The following COBLL1 variants were observed in gnomAD, a reference collection of about 807,000 sequenced individuals.
COBLL1 encodes the protein cordon-bleu protein-like 1.
Under a neutral mutation model 94.8 loss-of-function variants are expected in COBLL1, and 50 were observed. The observed-to-expected ratio is 0.53, with a 90% CI of 0.42 to 0.67. The LOEUF (loss-of-function observed/expected upper bound fraction) is 0.67. Among genes scored for constraint, COBLL1 ranks in the 30% least tolerant of loss-of-function variants. COBLL1 has a pLI of 0.00. For missense variants in COBLL1, 1,362 were observed against 1,348.7 expected, an observed-to-expected ratio of 1.01 and a Z score of -0.15; for synonymous variants, 448 against 473.8, an observed-to-expected ratio of 0.95 and a Z score of 0.71.
intron 1 of COBLL1, among the ~76,000 whole-genome samples, chr2:164,667,723 G>A (rs1332671908): frequency 6.6e-6 from 1 of 152,162 alleles, no homozygotes; most frequent in Non-Finnish European, 1.5e-5. Context: ...GAATTGACGA[G>A]AGAGTTAGGA....
chr2:164,760,871 T>C (rs999938252), intron 2 of COBLL1, among the ~76,000 whole-genome samples: 2 of 152,198 alleles, frequency 1.3e-5, no homozygotes, highest in African/African-American at 4.8e-5. Flanking sequence ...TAAACCTGTA[T>C]ACAGGGTCCA....
chr2:164,821,732 T>C (rs1180830758), intron 2 of COBLL1, among the ~76,000 whole-genome samples: 1 of 152,208 alleles, frequency 6.6e-6, no homozygotes, highest in Non-Finnish European at 1.5e-5. Flanking sequence ...GTGCTCACTA[T>C]CTCTGCATCT....
intron 12 of COBLL1, 42 bp downstream of exon 12, chr2:164,694,227 T>C (rs1683772064): frequency 3.2e-6 from 5 of 1,557,850 alleles, no homozygotes; most frequent in Non-Finnish European, 4.4e-6. Flanking sequence ...TTAAACCATG[T>C]CATTAAATTT....
At chr2:164,839,333 T>C (rs1215979544) in intron 2 of COBLL1, among the ~76,000 whole-genome samples, 1 of 152,174 alleles carries the variant, frequency 6.6e-6, no homozygotes, top group Non-Finnish European at 1.5e-5. Flanking sequence ...TGGCTCATAC[T>C]GGTAAACCCA....
chr2:164,786,659 TCGCAGCCCTGTCTCC>T (rs1262719048), intron 2 of COBLL1, among the ~76,000 whole-genome samples: 1 of 152,114 alleles, frequency 6.6e-6, no homozygotes, highest in Non-Finnish European at 1.5e-5. Context: ...GATTTTCATC[TCGCAGCCCTGTCTCC>T]CTCAGGAGAC....
chr2:164,740,014 C>G (rs929413078), intron 3 of COBLL1, among the ~76,000 whole-genome samples: 3 of 152,132 alleles, frequency 2.0e-5, no homozygotes, highest in African/African-American at 7.2e-5. Flanking sequence ...CCCAGAATCA[C>G]ACTCCTAAGA....
chr2:164,773,252 A>G (rs1688296324), intron 2 of COBLL1, among the ~76,000 whole-genome samples: 1 of 152,094 alleles, frequency 6.6e-6, no homozygotes, highest in Non-Finnish European at 1.5e-5. Context: ...ATTCCTTGTA[A>G]AAGCTAAAGC....
intron 2 of COBLL1, among the ~76,000 whole-genome samples, chr2:164,767,123 C>T (rs1422803274): frequency 6.6e-6 from 1 of 152,162 alleles, no homozygotes; most frequent in African/African-American, 2.4e-5. Flanking sequence ...ACTACGGAAA[C>T]ACAGAGAGGG....
chr2:164,689,069 A>C (rs562493238), intron 13 of COBLL1, among the ~76,000 whole-genome samples: 1 of 152,230 alleles, frequency 6.6e-6, no homozygotes, highest in Admixed American at 6.5e-5. Context: ...ACTGAGCTTG[A>C]TTTATTAATG....
chr2:164,768,666 T>A (rs1688054926), intron 2 of COBLL1, among the ~76,000 whole-genome samples: 1 of 152,128 alleles, frequency 6.6e-6, no homozygotes, highest in South Asian at 2.1e-4. Context: ...ATATATCCCT[T>A]AGTAAATCAC....
At chr2:164,674,858 C>G (rs913306982) in intron 1 of COBLL1, among the ~76,000 whole-genome samples, 9 of 152,220 alleles carry the variant, frequency 5.9e-5, no homozygotes, top group African/African-American at 1.9e-4. Flanking sequence ...CACTGCTATT[C>G]CACATGTTGG....
chr2:164,768,267 T>G (rs1027496956), intron 2 of COBLL1, among the ~76,000 whole-genome samples: 1 of 152,160 alleles, frequency 6.6e-6, no homozygotes, highest in African/African-American at 2.4e-5. Flanking sequence ...ATAGATCACA[T>G]GCACCAGAAA....
chr2:164,803,998 C>G (rs1683960114), intron 2 of COBLL1, among the ~76,000 whole-genome samples: 1 of 150,726 alleles, frequency 6.6e-6, no homozygotes, highest in African/African-American at 2.4e-5. Context: ...CCTCTAGATA[C>G]TGGTGAGAGG....
intron 2 of COBLL1, among the ~76,000 whole-genome samples, chr2:164,798,863 C>CA (rs1304375238): frequency 5.3e-5 from 8 of 151,598 alleles, no homozygotes; most frequent in African/African-American, 1.7e-4. Context: ...ACTAACAATA[C>CA]AAAAAAATTA....
chr2:164,721,528 G>A (rs1215933817), intron 7 of COBLL1, among the ~76,000 whole-genome samples: 1 of 152,126 alleles, frequency 6.6e-6, no homozygotes, highest in Admixed American at 6.5e-5. Flanking sequence ...AGATAAGGGT[G>A]CATAAAGGTA....
At chr2:164,798,296 C>T (rs995824003) in intron 2 of COBLL1, among the ~76,000 whole-genome samples, 4 of 152,202 alleles carry the variant, frequency 2.6e-5, no homozygotes, top group Admixed American at 2.6e-4. Context: ...TCAAATTCCT[C>T]ATACACACAT....
chr2:164,667,604 A>T (rs990149462), intron 1 of COBLL1, among the ~76,000 whole-genome samples: 1 of 152,204 alleles, frequency 6.6e-6, no homozygotes, highest in Non-Finnish European at 1.5e-5. Flanking sequence ...TTGCTGCTTC[A>T]CTTTACACTT....
intron 2 of COBLL1, among the ~76,000 whole-genome samples, chr2:164,766,421 A>G (rs922073592): frequency 1.3e-5 from 2 of 152,146 alleles, no homozygotes; most frequent in African/African-American, 4.8e-5. Context: ...TTCTTGCAAT[A>G]GTGAGTTCTT....
chr2:164,704,842 A>C lies in COBLL1; in HGVS notation c.1150+110T>G, dbSNP rs1484017662. The C allele has an allele frequency of 5.1e-6, 6 of 1,168,316 alleles. No individual in the cohort carries two copies. The East Asian group carries it at 1.5e-4, about 29-fold the overall frequency. The allele number at this position is 1,168,316 out of a possible 1,614,324, so 72.4% of individuals were successfully genotyped here. A position where few individuals can be genotyped will look rare whatever the true frequency, so the allele number is the denominator to read the frequency against. On this transcript the variant is annotated intron_variant, in intron 8 of 13. Transcript: ENST00000652658. ...GTGAGACTAATCAAGATGTATTTAA[A>C]AAGCCTAAGTATTATTTAAAAAGCA...
Sources: gnomAD v4.1 joint callset for allele counts (sites outside exome capture counted in the v4.1 genomes callset) on GRCh38, gnomAD v4.1.1 for gene constraint, MANE v1.5 for transcripts, NCBI Gene and HGNC (gene_info 2026-07-23, HGNC 2026-07-21) for gene names.